The following WDR37 variants were observed in gnomAD, a reference collection of about 807,000 sequenced individuals.
WDR37 encodes WD repeat-containing protein 37.
WDR37 carries 19 observed loss-of-function variants against 62.9 expected under a neutral mutation model. The ratio of observed to expected loss-of-function variants is 0.30; its 90% CI spans 0.21 to 0.44. WDR37 has a LOEUF of 0.44. Ranked by LOEUF, WDR37 falls within the 20% of genes least tolerant of loss-of-function variation. The pLI is 1.00. For synonymous variants in WDR37, 250 were observed against 260.9 expected, an observed-to-expected ratio of 0.96 and a Z score of 0.40; for missense variants, 474 against 657.6, an observed-to-expected ratio of 0.72 and a Z score of 3.05.
chr10:1,125,888 G>C (rs1266592300), intron 13 of WDR37, among the ~76,000 whole-genome samples: 2 of 152,242 alleles, frequency 1.3e-5, no homozygotes, highest in Non-Finnish European at 2.9e-5. Context: ...TTCTCGCTAT[G>C]TGCTGTTCAG....
intron 9 of WDR37, among the ~76,000 whole-genome samples, chr10:1,096,799 C>T (rs534654489): frequency 1.4e-3 from 213 of 152,250 alleles, no homozygotes; most frequent in African/African-American, 4.5e-3. Flanking sequence ...TGGAGAAAGC[C>T]TCCATAGCGG....
At position 1,132,252 on chromosome 10, in the gene WDR37, C is replaced by T. The variant is rs908295904; in HGVS notation, c.*2908C>T. 9 of 152,128 alleles carry T rather than the reference C, an allele frequency of 5.9e-5. No individual in the cohort carries two copies. Among genetic ancestry groups the T allele is most frequent in the African/African-American group, 2.2e-4 (9 of 41,416 alleles). 9.4% of individuals were successfully genotyped at this position (152,128 alleles called of 1,614,324 possible). A position where few individuals can be genotyped will look rare whatever the true frequency, so the allele number is the denominator to read the frequency against. On this transcript the variant is annotated 3_prime_UTR_variant, in exon 14 of 14. Transcript: ENST00000263150. ...GAAACATTGTGAATGACTATATAAACATCACGATGAGCTAGAAATTGAACA... is the reference window on the plus strand; with the variant it reads ...GAAACATTGTGAATGACTATATAAATATCACGATGAGCTAGAAATTGAACA...
Position 1,129,242 on chromosome 10 carries a change from A to C in WDR37, c.1383A>C (p.Ala461=). Residue 461 remains alanine (A), a synonymous_variant, in exon 14 of 14, where the codon GCA becomes GCC. Transcript: ENST00000263150. ...ACAGGAGAATGGTATGCTGCTCGGCATGGAGTGAAGACCACCCCGTGTGCA... is the reference window on the plus strand; with the variant it reads ...ACAGGAGAATGGTATGCTGCTCGGCCTGGAGTGAAGACCACCCCGTGTGCA... ...QGHRRMVCCS[A]WSEDHPVCNL... is the part of the protein sequence containing the mutation. 1 of 1,614,170 alleles carries C rather than the reference A, an allele frequency of 6.2e-7. No individual in the cohort carries two copies. The highest frequency in any genetic ancestry group is 1.3e-5 in the African/African-American group (1 of 75,030).
At chr10:1,057,450 C>T (rs941216470) in intron 1 of WDR37, among the ~76,000 whole-genome samples, 2 of 152,206 alleles carry the variant, frequency 1.3e-5, no homozygotes, top group Admixed American at 6.5e-5. Context: ...AATGGCCTTT[C>T]TTCTCTCCAA....
intron 1 of WDR37, among the ~76,000 whole-genome samples, chr10:1,066,404 C>A (rs1014246793): frequency 2.0e-5 from 3 of 152,192 alleles, no homozygotes; most frequent in African/African-American, 4.8e-5. Context: ...GCGTGAGCCA[C>A]CTCGCCCAGC....
At chr10:1,084,666 C>G in intron 6 of WDR37, 128 bp downstream of exon 6, 1 of 1,333,802 alleles carries the variant, frequency 7.5e-7, no homozygotes, top group Non-Finnish European at 1.0e-6. Context: ...GTCAGTGGAA[C>G]CCCCCACACA....
intron 1 of WDR37, among the ~76,000 whole-genome samples, chr10:1,059,511 G>T (rs1833305860): frequency 6.6e-6 from 1 of 150,806 alleles, no homozygotes. Context: ...ATATTGAAAA[G>T]AATCTGGCCA....
At chr10:1,109,728 A>G (rs917868454) in intron 11 of WDR37, among the ~76,000 whole-genome samples, 4 of 152,214 alleles carry the variant, frequency 2.6e-5, no homozygotes, top group African/African-American at 9.7e-5. Context: ...GAAAAAAAAA[A>G]ATTCTGGTTA....
intron 9 of WDR37, among the ~76,000 whole-genome samples, chr10:1,101,889 T>C (rs1258051683): frequency 1.3e-5 from 2 of 152,240 alleles, no homozygotes; most frequent in African/African-American, 4.8e-5. Flanking sequence ...TGTCCTGTTT[T>C]ATTTTACTTC....
At chr10:1,058,635 C>T (rs1421000951) in intron 1 of WDR37, among the ~76,000 whole-genome samples, 1 of 152,180 alleles carries the variant, frequency 6.6e-6, no homozygotes, top group African/African-American at 2.4e-5. Context: ...TTGTCATCCA[C>T]AGAATTGATG....
chr10:1,117,884 C>G (rs1835455679), intron 11 of WDR37, among the ~76,000 whole-genome samples: 1 of 149,796 alleles, frequency 6.7e-6, no homozygotes, highest in Non-Finnish European at 1.5e-5. Flanking sequence ...TCAGCCAGCT[C>G]TGTTTGAAGT....
intron 1 of WDR37, among the ~76,000 whole-genome samples, chr10:1,059,969 A>T (rs558692025): frequency 6.6e-6 from 1 of 152,008 alleles, no homozygotes; most frequent in Non-Finnish European, 1.5e-5. Flanking sequence ...CTCAGCCTCC[A>T]GGGTAGATGG....
At chr10:1,082,230 A>G (rs1201200473) in intron 5 of WDR37, among the ~76,000 whole-genome samples, 2 of 152,226 alleles carry the variant, frequency 1.3e-5, no homozygotes, top group Non-Finnish European at 2.9e-5. Flanking sequence ...GCTACAGTCT[A>G]GCTTTATTAC....
intron 9 of WDR37, 153 bp downstream of exon 9, chr10:1,096,399 G>C: frequency 1.3e-6 from 1 of 764,320 alleles, no homozygotes; most frequent in Non-Finnish European, 2.2e-6. Flanking sequence ...TTGGAGATTG[G>C]GCCTCTAAGG....
Position 1,127,605 on chromosome 10 carries a change from A to G in WDR37, c.1354-1608A>G, listed in dbSNP as rs952801022. On this transcript the variant is annotated intron_variant, in intron 13 of 13. Transcript: ENST00000263150. ...GCTGGAGTAGGTGTCACTTCCCAGC[A>G]TGAGTTTTGGGAAAGCGAGCTTGGT... 2.6e-5 allele frequency among the ~76,000 whole-genome samples: 4 copies of G among 152,086 alleles called. No homozygotes were observed. In the East Asian group the frequency reaches 5.8e-4, roughly 22 times the overall value.
chr10:1,078,185 C>T (rs574701018), intron 3 of WDR37, among the ~76,000 whole-genome samples, 182 bp downstream of exon 3: 4 of 152,148 alleles, frequency 2.6e-5, no homozygotes, highest in African/African-American at 4.8e-5. Context: ...ATAATTCCCA[C>T]GAGGACTCCG....
intron 3 of WDR37, 43 bp from the exon 4 acceptor site, chr10:1,079,962 TTAAACA>T (rs756192964): frequency 5.7e-5 from 89 of 1,560,136 alleles, no homozygotes; most frequent in Non-Finnish European, 7.6e-5. Flanking sequence ...GTGAGTACAC[TTAAACA>T]TAAAAACATA....
intron 13 of WDR37, among the ~76,000 whole-genome samples, chr10:1,127,730 A>AGG (rs1835841696): frequency 1.3e-5 from 2 of 151,482 alleles, no homozygotes; most frequent in Admixed American, 6.6e-5. Context: ...AGGCTCACGG[A>AGG]GTGTGAGGGT....
At chr10:1,109,626 G>A (rs1310025696) in intron 11 of WDR37, among the ~76,000 whole-genome samples, 2 of 152,142 alleles carry the variant, frequency 1.3e-5, no homozygotes, top group East Asian at 1.9e-4. Flanking sequence ...CAGGAGAATC[G>A]CTTGAACTTG....
Sources: gnomAD v4.1 joint callset for allele counts (sites outside exome capture counted in the v4.1 genomes callset) on GRCh38, gnomAD v4.1.1 for gene constraint, MANE v1.5 for transcripts, NCBI Gene and HGNC (gene_info 2026-07-23, HGNC 2026-07-21) for gene names.